The following STARD13 variants were observed in gnomAD, a reference collection of about 807,000 sequenced individuals.
STARD13 encodes the protein stAR-related lipid transfer protein 13.
Under a neutral mutation model 106.4 loss-of-function variants are expected in STARD13, and 62 were observed. The ratio of observed to expected loss-of-function variants is 0.58; its 90% confidence interval spans 0.48 to 0.72. The LOEUF is 0.72. STARD13 is among the 30% of genes least tolerant of loss of function. The pLI is 0.00. For synonymous variants in STARD13, 565 were observed against 553.0 expected, an observed-to-expected ratio of 1.02 and a Z score of -0.31; for missense variants, 1,387 against 1,424.0, an observed-to-expected ratio of 0.97 and a Z score of 0.42.
At chr13:33,332,131 C>G (rs959763062) in intron 1 of STARD13, among the ~76,000 whole-genome samples, 4 of 152,140 alleles carry the variant, frequency 2.6e-5, no homozygotes, top group Admixed American at 6.5e-5. Flanking sequence ...CCTGTCGACC[C>G]CATTCCCTAA....
chr13:33,499,554 T>G, the STARD13 span, among the ~76,000 whole-genome samples: 1 of 58,010 alleles, frequency 1.7e-5, no homozygotes, highest in Admixed American at 2.0e-4. Context: ...TTCTTCTTCT[T>G]CTTCTTCTTC....
chr13:33,605,795 T>C, the STARD13 span, among the ~76,000 whole-genome samples: 2 of 152,336 alleles, frequency 1.3e-5, no homozygotes, highest in South Asian at 4.1e-4. Context: ...TTTCTAGATA[T>C]ATCAGGCCAT....
intron 1 of STARD13, among the ~76,000 whole-genome samples, chr13:33,232,619 A>T (rs115977277): frequency 0.015 from 2,224 of 152,292 alleles, 56 homozygotes; most frequent in African/African-American, 0.05. Flanking sequence ...TGCTCCAAAA[A>T]CTTTGACGAC....
At chr13:33,468,077 G>T in the STARD13 span, among the ~76,000 whole-genome samples, 12 of 152,224 alleles carry the variant, frequency 7.9e-5, no homozygotes, top group South Asian at 2.5e-3. Context: ...CTCCCAAAAA[G>T]GCTACTACCA....
chr13:33,320,234 CAGG>C (rs947856855), intron 1 of STARD13, among the ~76,000 whole-genome samples: 2 of 152,178 alleles, frequency 1.3e-5, no homozygotes, highest in Non-Finnish European at 2.9e-5. Flanking sequence ...AGCTATTTAA[CAGG>C]AGAATACAGA....
At chr13:33,292,201 T>G (rs1892320681) in intron 1 of STARD13, among the ~76,000 whole-genome samples, 1 of 152,082 alleles carries the variant, frequency 6.6e-6, no homozygotes, top group South Asian at 2.1e-4. Flanking sequence ...TTAAGATGCC[T>G]CTCTGACAAA....
chr13:33,330,771 G>GT (rs763787301), intron 1 of STARD13, among the ~76,000 whole-genome samples: 3 of 152,288 alleles, frequency 2.0e-5, no homozygotes, highest in Middle Eastern at 3.4e-3. Context: ...GCAAATCCAA[G>GT]TAAGGGCACC....
intron 1 of STARD13, among the ~76,000 whole-genome samples, chr13:33,221,110 CA>C (rs1481853712): frequency 1.2e-4 from 19 of 152,226 alleles, no homozygotes; most frequent in African/African-American, 4.3e-4. Flanking sequence ...ATAAACCTAA[CA>C]AAAATTGTAC....
the STARD13 span, among the ~76,000 whole-genome samples, chr13:33,543,604 A>C: frequency 6.6e-5 from 10 of 152,224 alleles, no homozygotes; most frequent in Admixed American, 1.3e-4. Flanking sequence ...TAGATAGCAC[A>C]TGTTAACTTG....
intron 1 of STARD13, among the ~76,000 whole-genome samples, chr13:33,189,298 T>C (rs1886030300): frequency 6.6e-6 from 1 of 151,332 alleles, no homozygotes; most frequent in African/African-American, 2.4e-5. Context: ...TAACCAACTT[T>C]CAGTTATAAG....
rs1874289900 is a variant in STARD13, at chr13:33,109,988, C to T, written c.2932G>A (p.Asp978Asn). The T allele has an allele frequency of 6.2e-7, 1 of 1,614,228 alleles. No individual in the cohort carries two copies. Among genetic ancestry groups the T allele is most frequent in the Non-Finnish European group, 8.5e-7 (1 of 1,180,048 alleles). ...NRVLRERHLW[D>N]EDFVQWKVVE... is the part of the protein sequence containing the mutation. Reference sequence around the variant, plus strand: ...ACCTTCCACTGCACAAAGTCCTCGTCCCACAGGTGGCGCTCTCTCAGCACG... The same window carrying T: ...ACCTTCCACTGCACAAAGTCCTCGTTCCACAGGTGGCGCTCTCTCAGCACG... Residue 978 changes from aspartate (D) to asparagine (N), a missense_variant, in exon 12 of 14, where the codon GAC becomes AAC. By Grantham distance (23) the Asp-to-Asn change is conservative (BLOSUM62 1). Coordinates refer to ENST00000336934, the MANE Select transcript of STARD13 (RefSeq NM_178006.4).
the STARD13 span, among the ~76,000 whole-genome samples, chr13:33,503,815 C>T: frequency 1.3e-5 from 2 of 151,906 alleles, no homozygotes; most frequent in African/African-American, 4.8e-5. Context: ...AGTGAACAGG[C>T]AACCTACAGA....
intron 1 of STARD13, among the ~76,000 whole-genome samples, chr13:33,295,166 G>A (rs1892440980): frequency 6.6e-6 from 1 of 152,198 alleles, no homozygotes; most frequent in Non-Finnish European, 1.5e-5. Flanking sequence ...TGAAAAATAT[G>A]ATAGAATGCT....
chr13:33,607,929 A>C, the STARD13 span, among the ~76,000 whole-genome samples: 1 of 152,200 alleles, frequency 6.6e-6, no homozygotes, highest in Non-Finnish European at 1.5e-5. Flanking sequence ...CGTTTTTTAG[A>C]GATAGAGTCT....
chr13:33,665,439 G>T, the STARD13 span, among the ~76,000 whole-genome samples: 2 of 152,178 alleles, frequency 1.3e-5, no homozygotes, highest in Non-Finnish European at 2.9e-5. Context: ...TTATGGTCAA[G>T]AATTAATGGC....
chr13:33,249,545 G>T (rs1889991806), intron 1 of STARD13, among the ~76,000 whole-genome samples: 1 of 152,100 alleles, frequency 6.6e-6, no homozygotes, highest in African/African-American at 2.4e-5. Context: ...TCATGAATTT[G>T]CCAATATTAT....
the STARD13 span, among the ~76,000 whole-genome samples, chr13:33,589,706 G>T: frequency 6.6e-6 from 1 of 152,148 alleles, no homozygotes; most frequent in Admixed American, 6.6e-5. Flanking sequence ...GCTGAGGAGT[G>T]CTTTATTTTC....
chr13:33,476,703 C>T, the STARD13 span, among the ~76,000 whole-genome samples: 2 of 152,194 alleles, frequency 1.3e-5, no homozygotes, highest in Non-Finnish European at 2.9e-5. Flanking sequence ...GTTTAAAGTG[C>T]TGCAGGCAAT....
chr13:33,598,963 G>T, the STARD13 span, among the ~76,000 whole-genome samples: 1 of 152,082 alleles, frequency 6.6e-6, no homozygotes, highest in Non-Finnish European at 1.5e-5. Context: ...TCCTTTAAAA[G>T]AAATATTTAT....
Sources: allele counts gnomAD v4.1 joint callset (sites outside exome capture counted in the v4.1 genomes callset), GRCh38; gene constraint gnomAD v4.1.1; transcripts MANE v1.5; gene names NCBI Gene and HGNC (gene_info 2026-07-23, HGNC 2026-07-21).